PELI2: variants seen among roughly 807,000 people sequenced by gnomAD.
PELI2 encodes the protein pellino E3 ubiquitin protein ligase family member 2.
A neutral mutation model predicts 42.3 loss-of-function variants in PELI2; 23 were observed. The observed-to-expected ratio is 0.54, with a 90% CI of 0.39 to 0.77. The LOEUF is 0.77. Ranked by LOEUF, PELI2 falls within the 30% of genes least tolerant of loss-of-function variation. The probability of loss-of-function intolerance (pLI) is 0.00; values close to 1 mark genes in which losing one functional copy is unlikely to be tolerated. For synonymous variants in PELI2, 245 were observed against 212.2 expected, an observed-to-expected ratio of 1.15 and a Z score of -1.34; for missense variants, 463 against 553.2, an observed-to-expected ratio of 0.84 and a Z score of 1.64.
chr14:56,257,649 A>G (rs1566668805), intron 2 of PELI2, among the ~76,000 whole-genome samples: 1 of 152,178 alleles, frequency 6.6e-6, no homozygotes, highest in Non-Finnish European at 1.5e-5. Flanking sequence ...GCCTCTCCCT[A>G]CTGTAAACAA....
In PELI2 at chr14:56,118,746, TG is replaced by T. The variant is rs1406433607; in HGVS notation, c.77+13del. 1 of 1,486,960 alleles carries T rather than the reference TG, an allele frequency of 6.7e-7. No homozygotes were observed. Among genetic ancestry groups the T allele is most frequent in the Non-Finnish European group, 9.0e-7 (1 of 1,110,702 alleles). The allele number at this position is 1,486,960 out of a possible 1,614,324, so 92.1% of individuals were successfully genotyped here. ...GAGCTGGTGGTGCTCGGGTGAGTCC[TG>T]GGGTCCCTGGTCCCGGGCAGCGGCG... On this transcript the variant is annotated intron_variant, in intron 1 of 5. Transcript: ENST00000267460.
chr14:56,222,259 G>A (rs1033571909), intron 2 of PELI2, among the ~76,000 whole-genome samples: 6 of 152,076 alleles, frequency 3.9e-5, no homozygotes, highest in African/African-American at 1.4e-4. Flanking sequence ...AAATCATTTC[G>A]TAGCTGTGAT....
At chr14:56,205,336 A>G (rs1886479167) in intron 2 of PELI2, among the ~76,000 whole-genome samples, 1 of 152,186 alleles carries the variant, frequency 6.6e-6, no homozygotes. Flanking sequence ...GAGTCAAGGA[A>G]GGATTTACTC....
chr14:56,138,880 T>C (rs1883789638), intron 1 of PELI2, among the ~76,000 whole-genome samples: 1 of 152,254 alleles, frequency 6.6e-6, no homozygotes, highest in Non-Finnish European at 1.5e-5. Context: ...TCCTGTGTTG[T>C]TGATTTGTTT....
rs1886169621 is a variant in PELI2, at chr14:56,197,494, A to G, written c.207+19030A>G. 6.6e-6 allele frequency among the ~76,000 whole-genome samples: 1 copy of G among 152,134 alleles called. No individual in the cohort carries two copies. Among genetic ancestry groups the G allele is most frequent in the African/African-American group, 2.4e-5 (1 of 41,428 alleles). On this transcript the variant is annotated intron_variant, in intron 2 of 5. Coordinates refer to ENST00000267460, the MANE Select transcript of PELI2 (RefSeq NM_021255.3). The surrounding 1 kb of genome is among the most constrained non-coding windows in gnomAD (Gnocchi z 4.9). ...CTGTTGGGTGTTTGGGGAGACATTT[A>G]TGCATGAAGCGGGTGTTCTGGCTTT...
chr14:56,178,389 C>A lies in PELI2; in HGVS notation c.132C>A (p.Ala44=), dbSNP rs1362137350. 6.2e-7 allele frequency: 1 copy of A among 1,614,004 alleles called. No homozygotes were observed. Among genetic ancestry groups the A allele is most frequent in the Non-Finnish European group, 8.5e-7 (1 of 1,179,924 alleles). The part of the protein sequence containing the change: ...GDRGRRKSRF[A]LYKRPKANGV... ...GAGGACGGAGGAAAAGTAGATTTGC[C>A]CTCTACAAGCGGCCCAAGGCAAATG... The change falls in exon 2 of 6, where the codon GCC becomes GCA. Residue 44 remains alanine (A), a synonymous_variant. Coordinates refer to ENST00000267460, the MANE Select transcript of PELI2 (RefSeq NM_021255.3).
At chr14:56,166,606 C>A (rs1371341492) in intron 1 of PELI2, among the ~76,000 whole-genome samples, 3 of 152,084 alleles carry the variant, frequency 2.0e-5, no homozygotes, top group African/African-American at 4.8e-5. Flanking sequence ...GTCTTTATTT[C>A]TTCTTCATCT....
At chr14:56,187,429 A>C (rs563342263) in intron 2 of PELI2, among the ~76,000 whole-genome samples, 1 of 152,304 alleles carries the variant, frequency 6.6e-6, no homozygotes, top group Admixed American at 6.5e-5. Flanking sequence ...CAAAAGCAAA[A>C]ATAATGGAGG....
chr14:56,296,555 G>A, intron 5 of PELI2, 45 bp from the exon 6 acceptor site: 1 of 1,268,932 alleles, frequency 7.9e-7, no homozygotes, highest in Non-Finnish European at 1.1e-6. Flanking sequence ...GGAGTGATTT[G>A]CTTGATTTTG....
intron 3 of PELI2, among the ~76,000 whole-genome samples, chr14:56,282,566 C>T (rs900308962): frequency 6.6e-5 from 10 of 151,522 alleles, no homozygotes; most frequent in Admixed American, 2.6e-4. Flanking sequence ...TGGAACTATG[C>T]GTATGTGTTA....
At chr14:56,260,898 G>A (rs905733572) in intron 2 of PELI2, among the ~76,000 whole-genome samples, 1 of 152,158 alleles carries the variant, frequency 6.6e-6, no homozygotes, top group African/African-American at 2.4e-5. Flanking sequence ...AAAGAGATTT[G>A]AAGCCATGTA....
intron 1 of PELI2, among the ~76,000 whole-genome samples, chr14:56,120,317 G>T (rs777298100): frequency 6.6e-6 from 1 of 152,176 alleles, no homozygotes; most frequent in Non-Finnish European, 1.5e-5. Flanking sequence ...GAAGATTAAC[G>T]TATGCCAGAA....
At chr14:56,256,804 A>C (rs945611895) in intron 2 of PELI2, among the ~76,000 whole-genome samples, 3 of 152,150 alleles carry the variant, frequency 2.0e-5, no homozygotes, top group Non-Finnish European at 2.9e-5. Context: ...GCATGCTCTG[A>C]TTAATGTAGG....
chr14:56,173,774 A>C (rs1378105653), intron 1 of PELI2, among the ~76,000 whole-genome samples: 1 of 152,170 alleles, frequency 6.6e-6, no homozygotes, highest in African/African-American at 2.4e-5. Flanking sequence ...CTCCTACAAA[A>C]TCACTTGCCA....
chr14:56,233,238 A>C (rs1887652430), intron 2 of PELI2, among the ~76,000 whole-genome samples: 1 of 152,220 alleles, frequency 6.6e-6, no homozygotes, highest in Admixed American at 6.5e-5. Flanking sequence ...TTCTTCACAG[A>C]ATTGGAAAAA....
At chr14:56,252,790 T>A (rs990972109) in intron 2 of PELI2, among the ~76,000 whole-genome samples, 4 of 152,174 alleles carry the variant, frequency 2.6e-5, no homozygotes, top group Non-Finnish European at 5.9e-5. Context: ...AAAGAGGAGC[T>A]GGTACCATTC....
intron 2 of PELI2, among the ~76,000 whole-genome samples, chr14:56,184,887 CA>C (rs1885714076): frequency 6.6e-6 from 1 of 152,020 alleles, no homozygotes; most frequent in African/African-American, 2.4e-5. Context: ...ATAAAAAGAT[CA>C]TACCAGTAAT....
chr14:56,250,751 C>CT (rs1485338073), intron 2 of PELI2, among the ~76,000 whole-genome samples: 1 of 152,172 alleles, frequency 6.6e-6, no homozygotes, highest in Non-Finnish European at 1.5e-5. Flanking sequence ...GTCTGCCTCT[C>CT]TCAATCCGCT....
At chr14:56,131,835 G>A (rs1342228489) in intron 1 of PELI2, among the ~76,000 whole-genome samples, 1 of 152,144 alleles carries the variant, frequency 6.6e-6, no homozygotes, top group African/African-American at 2.4e-5. Flanking sequence ...CAGACTTGGT[G>A]TTGTATAAAA....
Sources: allele counts gnomAD v4.1 joint callset (sites outside exome capture counted in the v4.1 genomes callset), GRCh38; gene constraint gnomAD v4.1.1; non-coding constraint Gnocchi (gnomAD v3.1); transcripts MANE v1.5; gene names NCBI Gene and HGNC (gene_info 2026-07-23, HGNC 2026-07-21).